Variants in TRANK1 observed in about 807,000 individuals in gnomAD.
TRANK1 encodes the protein TPR and ankyrin repeat-containing protein 1.
Under a neutral mutation model 266.0 loss-of-function variants are expected in TRANK1, and 198 were observed. That is an observed-to-expected ratio of 0.74 (90% confidence interval 0.66 to 0.84). The LOEUF is 0.84. Ranked by LOEUF, TRANK1 falls within the 40% of genes least tolerant of loss-of-function variation. The pLI is 0.00. For synonymous variants in TRANK1, 1,396 were observed against 1,384.1 expected (o/e 1.01, Z -0.19); for missense variants, 3,326 against 3,634.6 (o/e 0.92, Z 2.18).
Position 36,855,874 on chromosome 3 carries a change from G to T in TRANK1, c.3848C>A (p.Ser1283Ter), listed in dbSNP as rs2079044991. The T allele has an allele frequency of 6.2e-7, 1 of 1,613,630 alleles. No homozygotes were observed. Among genetic ancestry groups the T allele is most frequent in the East Asian group, 2.2e-5 (1 of 44,842 alleles). Reference sequence around the variant, plus strand: ...ATCCTCTTGCCAACTAGGAATGGTTGACTCTTCCTGTGCAGACCATCCTAT... The same window carrying T: ...ATCCTCTTGCCAACTAGGAATGGTTTACTCTTCCTGTGCAGACCATCCTAT... ...TIIGWSAQEE[S>*]TIPSWQEDEE... Residue 1283 changes from serine to a stop codon, truncating the protein, a stop_gained, in exon 13 of 24, where the codon TCA becomes TAA. Coordinates refer to ENST00000645898, the MANE Select transcript of TRANK1 (RefSeq NM_001329998.2). LOFTEE classifies it high-confidence loss of function.
At chr3:36,936,587 C>G (rs965179135) in intron 1 of TRANK1, among the ~76,000 whole-genome samples, 1 of 151,954 alleles carries the variant, frequency 6.6e-6, no homozygotes, top group African/African-American at 2.4e-5. Context: ...GTACCAACTA[C>G]GCCCCAATAA....
At position 36,880,054 on chromosome 3, in the gene TRANK1, A is replaced by ACAGATATATGTAAACATG. The variant is rs2079500323; in HGVS notation, c.908-5759_908-5758insCATGTTTACATATATCTG. 1.8e-4 allele frequency: 2 copies of ACAGATATATGTAAACATG among 11,338 alleles called. 1 individual carries two copies. 0.7% of individuals were successfully genotyped at this position (11,338 alleles called of 1,614,324 possible). On this transcript the variant is annotated intron_variant, in intron 8 of 23. Transcript: ENST00000645898. ...TAAACATGCAAATATATGTAAACAT[A>ACAGATATATGTAAACATG]CAAATATATGTAAACATGCAAATAT...
At position 36,903,185 on chromosome 3, in the gene TRANK1, G is replaced by T; in HGVS notation, c.246C>A (p.Ala82=). The change falls in exon 3 of 24, where the codon GCC becomes GCA. Residue 82 remains alanine, a synonymous_variant. Coordinates refer to ENST00000645898, the MANE Select transcript of TRANK1 (RefSeq NM_001329998.2). The stretch of plus-strand genomic sequence containing the variant: ...TTGGATCCCATTGGAGACATTCCTT[G>T]GCAGCAACAAATGCCTCATTCCACT... ...LGKWNEAFVA[A]KECLQWDPTY... The T allele has an allele frequency of 6.5e-7, 1 of 1,537,202 alleles. No homozygotes were observed. The highest frequency in any genetic ancestry group is 8.7e-7 in the Non-Finnish European group (1 of 1,146,910).
rs113818395 is a variant in TRANK1, at chr3:36,905,606, G to A, written c.156-2331C>T. 2.7e-3 allele frequency among the ~76,000 whole-genome samples: 414 copies of A among 152,250 alleles called. 3 individuals carry two copies. The highest frequency in any genetic ancestry group is 9.4e-3 in the African/African-American group (392 of 41,542). On this transcript the variant is annotated intron_variant, in intron 2 of 23. Transcript: ENST00000645898. Reference sequence around the variant, plus strand: ...GTCTGTGCTATTTTGTTATGGTAGCGCAAGCAGACTAATATAGCCCACTCC... The same window carrying A: ...GTCTGTGCTATTTTGTTATGGTAGCACAAGCAGACTAATATAGCCCACTCC...
In TRANK1 at chr3:36,858,189, G is replaced by A. The variant is rs2079086347; in HGVS notation, c.1673-140C>T. On this transcript the variant is annotated intron_variant, in intron 12 of 23. Coordinates refer to ENST00000645898, the MANE Select transcript of TRANK1 (RefSeq NM_001329998.2). Reference sequence around the variant, plus strand: ...CAAAAAATCTGAAATCCATTAAAGAGCTCAGTGGTTCTCAACCAATGGTGA... The same window carrying A: ...CAAAAAATCTGAAATCCATTAAAGAACTCAGTGGTTCTCAACCAATGGTGA... 8 of 694,572 alleles carry A rather than the reference G, an allele frequency of 1.2e-5. No individual in the cohort carries two copies. In the East Asian group the frequency reaches 1.9e-4, roughly 17 times the overall value. 43.0% of individuals were successfully genotyped at this position (694,572 alleles called of 1,614,324 possible).
chr3:36,857,350 G>C lies in TRANK1; in HGVS notation c.2372C>G (p.Ala791Gly), dbSNP rs1279729380. The change falls in exon 13 of 24, where the codon GCT becomes GGT. Residue 791 changes from alanine (A) to glycine (G), a missense_variant. Coordinates refer to ENST00000645898, the MANE Select transcript of TRANK1 (RefSeq NM_001329998.2). This position sits in a 1 kb window ranked among gnomAD's most constrained non-coding sequence, Gnocchi z 4.3. Reference sequence around the variant, plus strand: ...CTGCAAGGCCCCAAGGCCCACCTGAGCATGTCCTTCCCCCACCTCACTACA... The same window carrying C: ...CTGCAAGGCCCCAAGGCCCACCTGACCATGTCCTTCCCCCACCTCACTACA... ...PDCSEVGEGHAQVGLGALQLV... is the reference protein window; with the variant it reads ...PDCSEVGEGHGQVGLGALQLV... 8 of 1,607,034 alleles carry C rather than the reference G, an allele frequency of 5.0e-6. No individual in the cohort carries two copies. Among genetic ancestry groups the C allele is most frequent in the Non-Finnish European group, 5.9e-6 (7 of 1,176,750 alleles).
intron 1 of TRANK1, among the ~76,000 whole-genome samples, chr3:36,909,642 C>T (rs889764179): frequency 1.3e-5 from 2 of 152,116 alleles, no homozygotes; most frequent in African/African-American, 4.8e-5. Context: ...CTTGGAGAGA[C>T]AGTAATTATT....
intron 8 of TRANK1, among the ~76,000 whole-genome samples, chr3:36,879,230 T>A (rs754869162): frequency 6.6e-6 from 1 of 151,828 alleles, no homozygotes; most frequent in Non-Finnish European, 1.5e-5. Context: ...ACCAGAATGA[T>A]CCTTAGGCTT....
chr3:36,834,606 G>T, intron 21 of TRANK1, 156 bp downstream of exon 21: 1 of 726,832 alleles, frequency 1.4e-6, no homozygotes, highest in Non-Finnish European at 2.2e-6. Context: ...CTCTCAAAGA[G>T]CTGCTGACCC....
At chr3:36,848,516 G>T (rs2078944602) in intron 15 of TRANK1, among the ~76,000 whole-genome samples, 1 of 152,144 alleles carries the variant, frequency 6.6e-6, no homozygotes, top group African/African-American at 2.4e-5. Flanking sequence ...GGTGCTACTT[G>T]CCATCTATGT....
At chr3:36,829,790 T>C (rs2078671329) in intron 22 of TRANK1, 128 bp from the exon 23 acceptor site, 1 of 965,848 alleles carries the variant, frequency 1.0e-6, no homozygotes, top group Non-Finnish European at 1.6e-6. Flanking sequence ...AGAGCCCTCC[T>C]TATCGGGTAA....
At chr3:36,938,366 C>A (rs959635575) in intron 1 of TRANK1, among the ~76,000 whole-genome samples, 3 of 151,852 alleles carry the variant, frequency 2.0e-5, no homozygotes, top group African/African-American at 2.4e-5. Context: ...TTACAGGCGC[C>A]CGCCACCATG....
chr3:36,903,341 C>T, intron 2 of TRANK1, 66 bp from the exon 3 acceptor site: 1 of 1,497,552 alleles, frequency 6.7e-7, no homozygotes, highest in East Asian at 2.5e-5. Context: ...TGAAGTCCCC[C>T]CATTCGGTGC....
chr3:36,908,452 A>G lies in TRANK1; in HGVS notation c.26T>C (p.Met9Thr). Residue 9 changes from methionine to threonine, a missense_variant and splice_region_variant, in exon 2 of 24, where the codon ATG becomes ACG. Coordinates refer to ENST00000645898, the MANE Select transcript of TRANK1 (RefSeq NM_001329998.2). The part of the protein sequence containing the change: MWDPRAAR[M>T]DLTAYAELLK... The stretch of plus-strand genomic sequence containing the variant: ...CAGCTCAGCGTAAGCTGTCAGGTCC[A>G]TCCTGTGAGGAGACGGGGGAGACGC... 2 of 1,232,198 alleles carry G rather than the reference A, an allele frequency of 1.6e-6. No individual in the cohort carries two copies. Among genetic ancestry groups the G allele is most frequent in the Admixed American group, 8.4e-5 (2 of 23,720 alleles). The allele number at this position is 1,232,198 out of a possible 1,614,324, so 76.3% of individuals were successfully genotyped here. A position where few individuals can be genotyped will look rare whatever the true frequency, so the allele number is the denominator to read the frequency against.
intron 3 of TRANK1, among the ~76,000 whole-genome samples, chr3:36,900,584 G>A (rs1459518254): frequency 6.6e-6 from 1 of 151,994 alleles, no homozygotes; most frequent in Non-Finnish European, 1.5e-5. Context: ...TTCTGTCTCA[G>A]ATAACAGAAA....
At chr3:36,871,621 G>T (rs2079311475) in intron 9 of TRANK1, among the ~76,000 whole-genome samples, 1 of 151,934 alleles carries the variant, frequency 6.6e-6, no homozygotes, top group African/African-American at 2.4e-5. Context: ...CTAAAAACAT[G>T]AGGTCATTTA....
At chr3:36,830,223 G>A (rs931130296) in intron 22 of TRANK1, among the ~76,000 whole-genome samples, 4 of 151,906 alleles carry the variant, frequency 2.6e-5, no homozygotes. Flanking sequence ...GCTGAGGCAG[G>A]TGAATCATTT....
At chr3:36,932,110 C>T (rs1455093761) in intron 1 of TRANK1, among the ~76,000 whole-genome samples, 1 of 151,978 alleles carries the variant, frequency 6.6e-6, no homozygotes, top group Non-Finnish European at 1.5e-5. Flanking sequence ...TCTAATGATA[C>T]CAAAAGCAGA....
intron 1 of TRANK1, among the ~76,000 whole-genome samples, chr3:36,920,461 T>A (rs1428875379): frequency 6.6e-6 from 1 of 152,198 alleles, no homozygotes; most frequent in African/African-American, 2.4e-5. Context: ...TGACAGAAAC[T>A]GGTTCAGTAT....
Sources: gnomAD v4.1 joint callset for allele counts (sites outside exome capture counted in the v4.1 genomes callset) on GRCh38, gnomAD v4.1.1 for gene constraint, Gnocchi (gnomAD v3.1) non-coding constraint, MANE v1.5 for transcripts, NCBI Gene and HGNC (gene_info 2026-07-23, HGNC 2026-07-21) for gene names.